NCOR1: variants seen among roughly 807,000 people sequenced by gnomAD.
The protein encoded by NCOR1 is nuclear receptor corepressor 1, also known as protein phosphatase 1, regulatory subunit 109.
NCOR1 carries 63 observed loss-of-function variants against 288.1 expected under a neutral mutation model. The ratio of observed to expected loss-of-function variants is 0.22; its 90% CI spans 0.18 to 0.27. NCOR1 has a LOEUF of 0.27. Ranked by LOEUF, NCOR1 falls within the 10% of genes least tolerant of loss-of-function variation. NCOR1 has a pLI of 1.00. For synonymous variants in NCOR1, 1,007 were observed against 1,065.9 expected, an observed-to-expected ratio of 0.94 and a Z score of 1.08; for missense variants, 2,397 against 3,019.2, an observed-to-expected ratio of 0.79 and a Z score of 4.83.
intron 11 of NCOR1, among the ~76,000 whole-genome samples, chr17:16,141,383 T>C (rs1273141781): frequency 6.6e-6 from 1 of 152,218 alleles, no homozygotes; most frequent in Non-Finnish European, 1.5e-5. Context: ...TGTAGAAGTC[T>C]ATTTTGATCA....
intron 19 of NCOR1, chr17:16,108,359 T>C (rs1453644220): frequency 9.2e-6 from 2 of 218,502 alleles, no homozygotes; most frequent in East Asian, 1.2e-4. Flanking sequence ...GTTTTTTTTT[T>C]CTATCGGTGC....
At chr17:16,042,922 A>ACAAGCGACCATT (rs2058007965) in intron 42 of NCOR1, among the ~76,000 whole-genome samples, 1 of 152,218 alleles carries the variant, frequency 6.6e-6, no homozygotes, top group African/African-American at 2.4e-5. Context: ...TTTTCAGCAT[A>ACAAGCGACCATT]CAAGCGACCA....
intron 14 of NCOR1, among the ~76,000 whole-genome samples, chr17:16,130,154 T>G (rs142256278): frequency 6.6e-6 from 1 of 152,174 alleles, no homozygotes; most frequent in Non-Finnish European, 1.5e-5. Context: ...CAGGCAGTGG[T>G]GAGCGGAGAG....
intron 18 of NCOR1, among the ~76,000 whole-genome samples, chr17:16,114,613 CA>C (rs1475245721): frequency 6.6e-6 from 1 of 152,132 alleles, no homozygotes; most frequent in Admixed American, 6.6e-5. Context: ...AGAAACTGGC[CA>C]AACGAAAGGG....
At chr17:16,187,471 A>G (rs178820) in intron 2 of NCOR1, among the ~76,000 whole-genome samples, 62,848 of 150,990 alleles carry the variant, frequency 0.42, 14,940 homozygotes, top group Middle Eastern at 0.55. Context: ...ATACAACTGA[A>G]TATCATTCAG....
chr17:16,207,185 G>A (rs1018838070), intron 1 of NCOR1, among the ~76,000 whole-genome samples: 25 of 152,082 alleles, frequency 1.6e-4, no homozygotes, highest in African/African-American at 5.1e-4. Flanking sequence ...TAAAAGTAAC[G>A]CAAAGTTAAA....
chr17:16,201,680 A>G (rs1600490855), intron 1 of NCOR1, among the ~76,000 whole-genome samples: 1 of 152,272 alleles, frequency 6.6e-6, no homozygotes, highest in Non-Finnish European at 1.5e-5. Context: ...GTCCCAAGAC[A>G]GCAGTACAAT....
intron 6 of NCOR1, among the ~76,000 whole-genome samples, chr17:16,155,853 G>C (rs2079670852): frequency 6.6e-6 from 1 of 152,172 alleles, no homozygotes; most frequent in Non-Finnish European, 1.5e-5. Context: ...CCTTTCAAAA[G>C]GCAGCATACT....
At chr17:16,176,560 C>T (rs796438304) in intron 3 of NCOR1, among the ~76,000 whole-genome samples, 1 of 150,694 alleles carries the variant, frequency 6.6e-6, no homozygotes, top group African/African-American at 2.5e-5. Flanking sequence ...TGAGCCACCA[C>T]GCCCGGCCTC....
intron 1 of NCOR1, among the ~76,000 whole-genome samples, chr17:16,202,242 A>T (rs1230610343): frequency 1.3e-5 from 2 of 148,500 alleles, no homozygotes; most frequent in East Asian, 4.0e-4. Flanking sequence ...AAAAAAAAAA[A>T]TACAAAAAAT....
At position 16,127,439 on chromosome 17, in the gene NCOR1, A is replaced by G. The variant is rs1017234319; in HGVS notation, c.1510-1233T>C. ...TATATACATGTGTATATGTGTATGTATATATGTGTATATGTATATATACGT... is the reference window on the plus strand; with the variant it reads ...TATATACATGTGTATATGTGTATGTGTATATGTGTATATGTATATATACGT... On this transcript the variant is annotated intron_variant, in intron 14 of 45. Coordinates refer to ENST00000268712, the MANE Select transcript of NCOR1 (RefSeq NM_006311.4). Among the ~76,000 whole-genome samples the G allele has an allele frequency of 1.4e-5, 2 of 144,082 alleles. 1 individual carries two copies. The highest frequency in any genetic ancestry group is 5.3e-5 in the African/African-American group (2 of 38,088). 94.5% of individuals were successfully genotyped at this position (144,082 alleles called of 152,430 possible). A position where few individuals can be genotyped will look rare whatever the true frequency, so the allele number is the denominator to read the frequency against.
intron 1 of NCOR1, among the ~76,000 whole-genome samples, chr17:16,207,268 CTA>C (rs1339686075): frequency 6.6e-6 from 1 of 152,170 alleles, no homozygotes; most frequent in Non-Finnish European, 1.5e-5. Flanking sequence ...ACATAAATCT[CTA>C]TGTTATTGCC....
chr17:16,144,194 A>T (rs982488666), intron 10 of NCOR1, among the ~76,000 whole-genome samples: 2 of 152,248 alleles, frequency 1.3e-5, no homozygotes, highest in Non-Finnish European at 2.9e-5. Flanking sequence ...ACAAATCAGA[A>T]TCTATCAAAG....
chr17:16,141,927 CT>C (rs1263003167), intron 11 of NCOR1, among the ~76,000 whole-genome samples: 1 of 152,238 alleles, frequency 6.6e-6, no homozygotes, highest in East Asian at 1.9e-4. Flanking sequence ...TGCAGCTGGG[CT>C]TTAGTTTCTT....
At chr17:16,175,040 A>C (rs1439951889) in intron 3 of NCOR1, among the ~76,000 whole-genome samples, 1 of 152,164 alleles carries the variant, frequency 6.6e-6, no homozygotes, top group Non-Finnish European at 1.5e-5. Flanking sequence ...TGGTATAAAA[A>C]AAAAAAAACC....
In NCOR1 at chr17:16,080,727, C is replaced by T; in HGVS notation, c.3178G>A (p.Gly1060Arg). The T allele has an allele frequency of 3.8e-6, 6 of 1,599,702 alleles. No homozygotes were observed. Among genetic ancestry groups the T allele is most frequent in the Non-Finnish European group, 5.1e-6 (6 of 1,174,814 alleles). Residue 1060 changes from glycine to arginine, a missense_variant and splice_region_variant, in exon 24 of 46, where the codon GGA (glycine) becomes AGA (arginine). Coordinates refer to ENST00000268712, the MANE Select transcript of NCOR1 (RefSeq NM_006311.4). ...SFIMGGSISQGTPGTYLTSHN... is the reference protein window; with the variant it reads ...SFIMGGSISQRTPGTYLTSHN... ...GAAGTCAAATAAGTGCCTGGTGTTC[C>T]CTAAGAAAAAAACAAAAAAAAATTT...
chr17:16,202,400 CAA>C (rs1193307384), intron 1 of NCOR1, among the ~76,000 whole-genome samples: 15 of 112,864 alleles, frequency 1.3e-4, no homozygotes, highest in Non-Finnish European at 1.5e-4. Context: ...GACTTCATCT[CAA>C]AAAAAAAAAA....
rs115929645 is a variant in NCOR1, at chr17:16,122,943, C to T, written c.1635-1674G>A. Among the ~76,000 whole-genome samples the T allele has an allele frequency of 9.3e-3, 1,409 of 152,236 alleles. 28 individuals are homozygous for T. Among genetic ancestry groups the T allele is most frequent in the African/African-American group, 0.032 (1,339 of 41,524 alleles). ...CTGGGTTCCTCTCATCCCTTTCATA[C>T]GGGGATTTCCCAAGGCTCTCCCCTA... On this transcript the variant is annotated intron_variant, in intron 15 of 45. Transcript: ENST00000268712.
At chr17:16,159,570 A>G (rs1211007224) in intron 5 of NCOR1, among the ~76,000 whole-genome samples, 1 of 152,182 alleles carries the variant, frequency 6.6e-6, no homozygotes, top group Non-Finnish European at 1.5e-5. Flanking sequence ...TACACAGTAT[A>G]CATTAATATT....
Sources: gnomAD v4.1 joint callset for allele counts (sites outside exome capture counted in the v4.1 genomes callset) on GRCh38, gnomAD v4.1.1 for gene constraint, MANE v1.5 for transcripts, NCBI Gene and HGNC (gene_info 2026-07-23, HGNC 2026-07-21) for gene names.